Variants in KCTD16 observed in about 807,000 individuals in gnomAD.
KCTD16 encodes potassium channel tetramerization domain containing 16.
A neutral mutation model predicts 33.2 loss-of-function variants in KCTD16; 13 were observed. That is an observed-to-expected ratio of 0.39 (90% CI 0.25 to 0.62). The LOEUF (loss-of-function observed/expected upper bound fraction) is 0.62, where lower values mean the gene tolerates loss of function less well. Among genes scored for constraint, KCTD16 ranks in the 20% least tolerant of loss-of-function variants. The pLI, the probability that KCTD16 is intolerant of heterozygous loss-of-function variation, is 0.50. For missense variants in KCTD16, 441 were observed against 525.1 expected, an observed-to-expected ratio of 0.84 and a Z score of 1.57; for synonymous variants, 197 against 195.3, an observed-to-expected ratio of 1.01 and a Z score of -0.07.
At chr5:144,210,986 A>G (rs1173918722) in intron 3 of KCTD16, among the ~76,000 whole-genome samples, 1 of 152,160 alleles carries the variant, frequency 6.6e-6, no homozygotes, top group Non-Finnish European at 1.5e-5. Flanking sequence ...AGACACACTG[A>G]TTCATCATCT....
chr5:144,465,329 C>T (rs1754304254), intron 3 of KCTD16, among the ~76,000 whole-genome samples: 1 of 152,050 alleles, frequency 6.6e-6, no homozygotes, highest in Non-Finnish European at 1.5e-5. Context: ...ATGTACTCTT[C>T]TTCAGAGCTT....
intron 3 of KCTD16, among the ~76,000 whole-genome samples, chr5:144,227,226 TG>T (rs1440999214): frequency 1.3e-5 from 2 of 152,180 alleles, no homozygotes; most frequent in African/African-American, 4.8e-5. Context: ...GAATTTTAGG[TG>T]GAAGACAGGC....
At chr5:144,440,671 A>C (rs1753683914) in intron 3 of KCTD16, among the ~76,000 whole-genome samples, 1 of 125,326 alleles carries the variant, frequency 8.0e-6, no homozygotes, top group Non-Finnish European at 1.5e-5. Context: ...ATCTCTACTG[A>C]AAAAAAAAAA....
intron 3 of KCTD16, among the ~76,000 whole-genome samples, chr5:144,339,910 C>G (rs1752584702): frequency 6.6e-6 from 1 of 152,192 alleles, no homozygotes; most frequent in Non-Finnish European, 1.5e-5. Flanking sequence ...TCAATACTTG[C>G]CCCTCTCTCA....
At chr5:144,273,518 C>T (rs754334475) in intron 3 of KCTD16, among the ~76,000 whole-genome samples, 15 of 152,144 alleles carry the variant, frequency 9.9e-5, no homozygotes, top group South Asian at 2.1e-4. Context: ...GACATTTGTA[C>T]AACCATGTTC....
At chr5:144,403,735 C>A (rs1393077559) in intron 3 of KCTD16, among the ~76,000 whole-genome samples, 1 of 152,182 alleles carries the variant, frequency 6.6e-6, no homozygotes, top group African/African-American at 2.4e-5. Context: ...ACATGGGCAT[C>A]TTTGGGGAGC....
intron 2 of KCTD16, among the ~76,000 whole-genome samples, chr5:144,192,665 G>A (rs1752865948): frequency 6.6e-6 from 1 of 152,182 alleles, no homozygotes; most frequent in South Asian, 2.1e-4. Context: ...GATTTTAAGA[G>A]CAGTTGAAGA....
chr5:144,256,616 TG>T (rs55786919), intron 3 of KCTD16, among the ~76,000 whole-genome samples: 28,453 of 147,782 alleles, frequency 0.19, 3,056 homozygotes, highest in Non-Finnish European at 0.25. Context: ...GAGTTTTTTT[TG>T]TTTTTTTTTT....
At chr5:144,301,971 A>T (rs537261412) in intron 3 of KCTD16, among the ~76,000 whole-genome samples, 69 of 152,280 alleles carry the variant, frequency 4.5e-4, no homozygotes, top group African/African-American at 1.6e-3. Flanking sequence ...CACTCTTCTA[A>T]ATAGTTTTGG....
At chr5:144,361,275 G>T (rs1460248283) in intron 3 of KCTD16, among the ~76,000 whole-genome samples, 1 of 152,132 alleles carries the variant, frequency 6.6e-6, no homozygotes, top group Non-Finnish European at 1.5e-5. Flanking sequence ...TCATTTGGGT[G>T]TATACCTAGT....
intron 3 of KCTD16, among the ~76,000 whole-genome samples, chr5:144,459,990 G>A (rs1198468641): frequency 1.3e-5 from 2 of 151,616 alleles, no homozygotes; most frequent in Non-Finnish European, 2.9e-5. Context: ...CTGCCACCAC[G>A]CCTGGCTAAT....
At chr5:144,417,863 G>C (rs1028808731) in intron 3 of KCTD16, among the ~76,000 whole-genome samples, 2 of 152,076 alleles carry the variant, frequency 1.3e-5, no homozygotes, top group Non-Finnish European at 2.9e-5. Flanking sequence ...TCTGGAATTG[G>C]TTCCTTCCTG....
chr5:144,251,856 T>C (rs1754709881), intron 3 of KCTD16, among the ~76,000 whole-genome samples: 1 of 152,230 alleles, frequency 6.6e-6, no homozygotes, highest in Non-Finnish European at 1.5e-5. Context: ...ATCTTCAGCA[T>C]ATGAAGAAGT....
At chr5:144,291,304 C>G (rs1755890329) in intron 3 of KCTD16, among the ~76,000 whole-genome samples, 1 of 152,180 alleles carries the variant, frequency 6.6e-6, no homozygotes, top group Admixed American at 6.5e-5. Context: ...ATGCCATTAT[C>G]AGTTACCTCC....
At chr5:144,188,763 G>A (rs1406981611) in intron 2 of KCTD16, among the ~76,000 whole-genome samples, 1 of 152,162 alleles carries the variant, frequency 6.6e-6, no homozygotes, top group Non-Finnish European at 1.5e-5. Flanking sequence ...TCAGGTGAGA[G>A]GTCAGCTTGA....
At chr5:144,189,551 T>C (rs569272417) in intron 2 of KCTD16, among the ~76,000 whole-genome samples, 1 of 152,188 alleles carries the variant, frequency 6.6e-6, no homozygotes. Flanking sequence ...ACATAGAGTT[T>C]TGCATACAAT....
At chr5:144,192,634 C>T (rs550440137) in intron 2 of KCTD16, among the ~76,000 whole-genome samples, 1 of 152,196 alleles carries the variant, frequency 6.6e-6, no homozygotes, top group African/African-American at 2.4e-5. Flanking sequence ...GTGGCTTTTT[C>T]ATTTATGACA....
Position 144,170,984 on chromosome 5 carries a change from G to C in KCTD16, c.-518G>C, listed in dbSNP as rs550170232. 1 of 152,346 alleles carries C rather than the reference G, an allele frequency of 6.6e-6. No individual in the cohort carries two copies. The highest frequency in any genetic ancestry group is 1.9e-4 in the East Asian group (1 of 5,180). 9.4% of individuals were successfully genotyped at this position (152,346 alleles called of 1,614,324 possible). A position where few individuals can be genotyped will look rare whatever the true frequency, so the allele number is the denominator to read the frequency against. On this transcript the variant is annotated 5_prime_UTR_variant, in exon 1 of 4. It removes the in-frame stop codon of an upstream open reading frame in the 5' UTR. Transcript: ENST00000512467. Reference sequence around the variant, plus strand: ...ATGCCTCGGTGTCAGCATTTACTGTGATTCAAGCACTGTGCTAAAGTGTTT... The same window carrying C: ...ATGCCTCGGTGTCAGCATTTACTGTCATTCAAGCACTGTGCTAAAGTGTTT...
In KCTD16 at chr5:144,485,279, A is replaced by T. The variant is rs1754781794; in HGVS notation, c.*11165A>T. The T allele has an allele frequency of 1.3e-5, 2 of 151,942 alleles. No homozygotes were observed. The highest frequency in any genetic ancestry group is 4.8e-5 in the African/African-American group (2 of 41,410). The allele number at this position is 151,942 out of a possible 1,614,324, so 9.4% of individuals were successfully genotyped here. ...CAGAAGGCAACCGCCTATAGATGGA[A>T]CAGCCCTGAGCAACATATAAATATA... On this transcript the variant is annotated 3_prime_UTR_variant, in exon 4 of 4. Transcript: ENST00000512467.
Sources: allele counts gnomAD v4.1 joint callset (sites outside exome capture counted in the v4.1 genomes callset), GRCh38; gene constraint gnomAD v4.1.1; transcripts MANE v1.5; gene names NCBI Gene and HGNC (gene_info 2026-07-23, HGNC 2026-07-21).